Variants in RGS6 observed in about 807,000 individuals in gnomAD.
RGS6 encodes the protein regulator of G-protein signaling 6.
Under a neutral mutation model 78.5 loss-of-function variants are expected in RGS6, and 30 were observed. The observed-to-expected ratio is 0.38, with a 90% CI of 0.29 to 0.52. RGS6 has a LOEUF of 0.52. Ranked by LOEUF, RGS6 falls within the 20% of genes least tolerant of loss-of-function variation. The probability of loss-of-function intolerance (pLI) is 0.85; values close to 1 mark genes in which losing one functional copy is unlikely to be tolerated. For missense variants in RGS6, 495 were observed against 609.7 expected (o/e 0.81, Z 1.98); for synonymous variants, 206 against 206.0 (o/e 1.00, Z 0.00).
At chr14:72,039,236 C>T (rs775824434) in intron 2 of RGS6, among the ~76,000 whole-genome samples, 1 of 152,154 alleles carries the variant, frequency 6.6e-6, no homozygotes, top group Non-Finnish European at 1.5e-5. Flanking sequence ...GCATTAATCT[C>T]AGGGTAGGTG....
At chr14:72,005,546 C>T (rs12897386) in intron 2 of RGS6, among the ~76,000 whole-genome samples, 98,814 of 151,824 alleles carry the variant, frequency 0.65, 33,031 homozygotes, top group Non-Finnish European at 0.74. Flanking sequence ...TTTGAGGTCA[C>T]GGGTGATTTT....
intron 2 of RGS6, among the ~76,000 whole-genome samples, chr14:72,047,444 C>T (rs371742214): frequency 6.6e-6 from 1 of 152,176 alleles, no homozygotes; most frequent in South Asian, 2.1e-4. Context: ...ATAAGTGAAG[C>T]TGGCGATATG....
chr14:72,438,330 G>T (rs898941562), intron 3 of RGS6, among the ~76,000 whole-genome samples: 1 of 151,990 alleles, frequency 6.6e-6, no homozygotes, highest in Non-Finnish European at 1.5e-5. Flanking sequence ...ACCTCATCCA[G>T]CCTCGCTGCC....
chr14:72,460,834 C>T (rs1220687026), intron 6 of RGS6, among the ~76,000 whole-genome samples: 3 of 151,894 alleles, frequency 2.0e-5, no homozygotes, highest in Admixed American at 6.6e-5. Context: ...GTCTGGGAGA[C>T]CCATGGGATA....
chr14:72,268,758 G>T (rs1455109338), intron 2 of RGS6, among the ~76,000 whole-genome samples: 1 of 152,154 alleles, frequency 6.6e-6, no homozygotes, highest in Non-Finnish European at 1.5e-5. Flanking sequence ...AACAGTTGTG[G>T]TACCATCCCG....
chr14:72,190,308 C>A (rs111369874), intron 2 of RGS6, among the ~76,000 whole-genome samples: 4 of 152,334 alleles, frequency 2.6e-5, no homozygotes, highest in African/African-American at 9.6e-5. Flanking sequence ...AGCATCCAGT[C>A]ATGCTTATTT....
intron 6 of RGS6, among the ~76,000 whole-genome samples, chr14:72,461,304 G>A (rs554326312): frequency 1.2e-4 from 19 of 152,254 alleles, no homozygotes; most frequent in African/African-American, 4.3e-4. Context: ...GCCCAAGTAA[G>A]ATTAAAATAT....
intron 2 of RGS6, among the ~76,000 whole-genome samples, chr14:72,095,647 C>G (rs2095386925): frequency 6.6e-6 from 1 of 152,140 alleles, no homozygotes; most frequent in African/African-American, 2.4e-5. Context: ...AAGACGAGAG[C>G]ATTCACAAGG....
chr14:72,410,702 G>A (rs1006845977), intron 3 of RGS6, among the ~76,000 whole-genome samples: 2 of 152,166 alleles, frequency 1.3e-5, no homozygotes, highest in African/African-American at 2.4e-5. Context: ...ATGGTTTTAG[G>A]TCTAACATGT....
Position 71,984,298 on chromosome 14 carries a change from T to TA in RGS6, c.84+19447dup, listed in dbSNP as rs59180817. ...TTTTGGGGAAGAAACTGAATTATGT[T>TA]AAAAAAAAAAAAAAAAAAAAAAAAC... On this transcript the variant is annotated intron_variant, in intron 2 of 17. Transcript: ENST00000553525. 8.5e-3 allele frequency among the ~76,000 whole-genome samples: 1,021 copies of TA among 119,866 alleles called. 4 individuals are homozygous for TA. The highest frequency in any genetic ancestry group is 0.014 in the African/African-American group (446 of 30,940). The allele number at this position is 119,866 out of a possible 152,430, so 78.6% of individuals were successfully genotyped here.
At chr14:72,357,444 C>T (rs1371177021) in intron 3 of RGS6, among the ~76,000 whole-genome samples, 2 of 152,078 alleles carry the variant, frequency 1.3e-5, no homozygotes, top group South Asian at 2.1e-4. Flanking sequence ...TCCTAGAGAC[C>T]TGTTGAATGA....
intron 3 of RGS6, among the ~76,000 whole-genome samples, chr14:72,438,531 T>G (rs1420974880): frequency 6.6e-6 from 1 of 152,112 alleles, no homozygotes; most frequent in African/African-American, 2.4e-5. Flanking sequence ...TGATGTAAGC[T>G]CCACCGTGCA....
intron 13 of RGS6, among the ~76,000 whole-genome samples, chr14:72,496,548 G>A (rs1411613477): frequency 6.6e-6 from 1 of 152,124 alleles, no homozygotes; most frequent in African/African-American, 2.4e-5. Flanking sequence ...CCCAATAGGT[G>A]CATATTGTAG....
At chr14:71,972,210 C>T (rs909364822) in intron 2 of RGS6, among the ~76,000 whole-genome samples, 2 of 151,962 alleles carry the variant, frequency 1.3e-5, no homozygotes, top group Non-Finnish European at 1.5e-5. Context: ...GTCACTAGGT[C>T]CACCCCTCAC....
chr14:72,593,175 G>T, the RGS6 span, among the ~76,000 whole-genome samples: 1 of 152,206 alleles, frequency 6.6e-6, no homozygotes, highest in Non-Finnish European at 1.5e-5. Context: ...AATATCAGTT[G>T]CCCAGAGGCC....
the RGS6 span, among the ~76,000 whole-genome samples, chr14:71,895,244 C>T: frequency 9.2e-5 from 14 of 152,064 alleles, 1 homozygote; most frequent in Non-Finnish European, 1.8e-4. Context: ...AATGCAGTGG[C>T]GTGATCTTGG....
intron 16 of RGS6, among the ~76,000 whole-genome samples, chr14:72,536,853 C>G (rs1172083666): frequency 2.6e-5 from 4 of 152,104 alleles, no homozygotes; most frequent in African/African-American, 4.8e-5. Flanking sequence ...CTCTCTTAAC[C>G]AAGAAGTAAC....
At position 72,305,639 on chromosome 14, in the gene RGS6, T is replaced by G. The variant is rs544239481; in HGVS notation, c.85-46456T>G. Among the ~76,000 whole-genome samples the G allele has an allele frequency of 5.3e-5, 8 of 152,342 alleles. 2 individuals carry two copies. Among genetic ancestry groups the G allele is most frequent in the African/African-American group, 1.9e-4 (8 of 41,586 alleles). On this transcript the variant is annotated intron_variant, in intron 2 of 17. Transcript: ENST00000553525. ...TATAAGATGGAGAACTTAATAAATGTTGTATGTGTACTGACTGTTCCACCA... is the reference window on the plus strand; with the variant it reads ...TATAAGATGGAGAACTTAATAAATGGTGTATGTGTACTGACTGTTCCACCA...
intron 2 of RGS6, among the ~76,000 whole-genome samples, chr14:72,036,943 AG>A (rs2091797308): frequency 6.6e-6 from 1 of 152,120 alleles, no homozygotes; most frequent in African/African-American, 2.4e-5. Flanking sequence ...TTTTGGTATA[AG>A]GTATTGAGAG....
Sources: gnomAD v4.1 joint callset for allele counts (sites outside exome capture counted in the v4.1 genomes callset) on GRCh38, gnomAD v4.1.1 for gene constraint, MANE v1.5 for transcripts, NCBI Gene and HGNC (gene_info 2026-07-23, HGNC 2026-07-21) for gene names.